PRKCE: variants seen among roughly 807,000 people sequenced by gnomAD.
PRKCE encodes protein kinase C epsilon.
A neutral mutation model predicts 85.4 loss-of-function variants in PRKCE; 16 were observed. The observed-to-expected ratio is 0.19, with a 90% CI of 0.13 to 0.28. The LOEUF (loss-of-function observed/expected upper bound fraction) is 0.28. Ranked by LOEUF, PRKCE falls within the 10% of genes least tolerant of loss-of-function variation. PRKCE has a pLI of 1.00. For missense variants in PRKCE, 573 were observed against 975.2 expected, an observed-to-expected ratio of 0.59 and a Z score of 5.49; for synonymous variants, 388 against 371.5, an observed-to-expected ratio of 1.04 and a Z score of -0.51.
rs1293998248 is a variant in PRKCE at position 45,697,141 on chromosome 2, C to G, written c.348+44693C>G. On this transcript the variant is annotated intron_variant, in intron 1 of 14. Transcript: ENST00000306156. This position sits in a 1 kb window ranked among gnomAD's most constrained non-coding sequence, Gnocchi z 4.2. ...GTTGTTCTAATACTTAGGAACATGC[C>G]TCCAAATAAGATGAAATGCTCTAGT... is the stretch of plus-strand genomic sequence containing the variant. Among the ~76,000 whole-genome samples the G allele has an allele frequency of 6.6e-6, 1 of 152,172 alleles. No homozygotes were observed. The highest frequency in any genetic ancestry group is 1.5e-5 in the Non-Finnish European group (1 of 68,036).
At chr2:46,123,273 A>C (rs1012393399) in intron 11 of PRKCE, among the ~76,000 whole-genome samples, 2 of 118,386 alleles carry the variant, frequency 1.7e-5, no homozygotes, top group Non-Finnish European at 3.3e-5. Flanking sequence ...GGAAACTCAG[A>C]GTAAAGAGAT....
At position 45,995,280 on chromosome 2, in the gene PRKCE, TTTTGTTTGTTTG is replaced by T. The variant is rs562638414; in HGVS notation, c.824-6112_824-6101del. 2.6e-5 allele frequency among the ~76,000 whole-genome samples: 4 copies of T among 152,252 alleles called. No homozygotes were observed. The South Asian group carries it at 8.3e-4, about 32-fold the overall frequency. ...AGTGTGTGGTTTGGTTTTGTTTGTT[TTTTGTTTGTTTG>T]TTTGTTTGTTTTAGTTTGGGGAGGT... On this transcript the variant is annotated intron_variant, in intron 6 of 14. Transcript: ENST00000306156.
At chr2:46,176,915 A>G (rs1177945507) in intron 14 of PRKCE, among the ~76,000 whole-genome samples, 1 of 152,246 alleles carries the variant, frequency 6.6e-6, no homozygotes, top group Non-Finnish European at 1.5e-5. Flanking sequence ...TGATAGAATT[A>G]AAATGGCATT....
chr2:46,020,837 G>C (rs1404303669), intron 10 of PRKCE, among the ~76,000 whole-genome samples: 3 of 152,204 alleles, frequency 2.0e-5, no homozygotes, highest in Non-Finnish European at 4.4e-5. Context: ...GTGATAAAGA[G>C]GAAGGAGAGA....
Position 45,673,076 on chromosome 2 carries a change from T to C in PRKCE, c.348+20628T>C, listed in dbSNP as rs79996267. ...ACAAACCAAAAACCACAGTGAGAGA[T>C]TTTTTTTTAAAGACTCCTCCACTCC... On this transcript the variant is annotated intron_variant, in intron 1 of 14. Transcript: ENST00000306156. Among the ~76,000 whole-genome samples the C allele has an allele frequency of 3.3e-5, 5 of 151,694 alleles. No individual in the cohort carries two copies. The South Asian group carries it at 1.0e-3, about 32-fold the overall frequency.
chr2:45,829,848 C>A (rs1013394959), intron 1 of PRKCE, among the ~76,000 whole-genome samples: 1 of 151,714 alleles, frequency 6.6e-6, no homozygotes, highest in Admixed American at 6.6e-5. Flanking sequence ...CCGAGGCGGG[C>A]GGATCACGAG....
chr2:46,108,765 C>T (rs1403487316), intron 11 of PRKCE, among the ~76,000 whole-genome samples: 1 of 152,192 alleles, frequency 6.6e-6, no homozygotes, highest in Non-Finnish European at 1.5e-5. Flanking sequence ...TCAAAAACCT[C>T]ATCACCAAAC....
chr2:46,041,292 C>G lies in PRKCE; in HGVS notation c.1437+30775C>G, dbSNP rs2105006047. ...AAGCAATATTAAAACAAAACAAAAT[C>G]CCTTTTCATGTAATGATTGGCTCAT... On this transcript the variant is annotated intron_variant, in intron 10 of 14. Transcript: ENST00000306156. The surrounding 1 kb of genome is among the most constrained non-coding windows in gnomAD (Gnocchi z 5.5). 6.6e-6 allele frequency among the ~76,000 whole-genome samples: 1 copy of G among 152,288 alleles called. No individual in the cohort carries two copies. The highest frequency in any genetic ancestry group is 1.9e-4 in the East Asian group (1 of 5,186).
At chr2:45,778,563 C>A (rs1197943929) in intron 1 of PRKCE, among the ~76,000 whole-genome samples, 1 of 152,166 alleles carries the variant, frequency 6.6e-6, no homozygotes, top group African/African-American at 2.4e-5. Context: ...ACACATCTCC[C>A]CCTCTACACA....
At chr2:45,755,109 C>G (rs977310885) in intron 1 of PRKCE, among the ~76,000 whole-genome samples, 5 of 152,168 alleles carry the variant, frequency 3.3e-5, no homozygotes, top group Non-Finnish European at 7.3e-5. Context: ...ACACAGCAGT[C>G]CTCTCTGCTG....
At chr2:45,862,333 G>A (rs1693233029) in intron 2 of PRKCE, among the ~76,000 whole-genome samples, 1 of 151,928 alleles carries the variant, frequency 6.6e-6, no homozygotes, top group South Asian at 2.1e-4. Flanking sequence ...ATCCGTCCAG[G>A]TCTCACCACC....
chr2:45,806,078 T>A (rs1198464292), intron 1 of PRKCE, among the ~76,000 whole-genome samples: 3 of 152,212 alleles, frequency 2.0e-5, no homozygotes, highest in Non-Finnish European at 1.5e-5. Context: ...AGGATTTTGA[T>A]GCAGAGTTTT....
intron 11 of PRKCE, among the ~76,000 whole-genome samples, chr2:46,136,473 G>T (rs1022114489): frequency 1.3e-5 from 2 of 152,156 alleles, no homozygotes; most frequent in Non-Finnish European, 2.9e-5. Context: ...CTGAGGTGCA[G>T]GGTAAAGAAA....
intron 6 of PRKCE, among the ~76,000 whole-genome samples, chr2:45,989,339 G>C (rs1365850213): frequency 6.6e-6 from 1 of 152,190 alleles, no homozygotes; most frequent in Non-Finnish European, 1.5e-5. Flanking sequence ...GCTGTTTTCA[G>C]GGGCCAAGGG....
intron 2 of PRKCE, among the ~76,000 whole-genome samples, chr2:45,864,084 G>T (rs1385599295): frequency 6.6e-6 from 1 of 152,144 alleles, no homozygotes; most frequent in Non-Finnish European, 1.5e-5. Context: ...TGAGGCTCTG[G>T]TTTAACTGGT....
intron 10 of PRKCE, among the ~76,000 whole-genome samples, chr2:46,056,466 A>G (rs1404854701): frequency 1.3e-5 from 2 of 152,104 alleles, no homozygotes; most frequent in Admixed American, 6.6e-5. Flanking sequence ...TTCCTGTCCT[A>G]TATGTTATTT....
chr2:45,998,468 C>G (rs967061032), intron 6 of PRKCE, among the ~76,000 whole-genome samples: 2 of 152,116 alleles, frequency 1.3e-5, no homozygotes, highest in African/African-American at 2.4e-5. Flanking sequence ...ATTAATTTAG[C>G]TTTTCTGCTT....
chr2:46,170,070 A>G (rs1678742188), intron 14 of PRKCE, among the ~76,000 whole-genome samples: 2 of 152,228 alleles, frequency 1.3e-5, no homozygotes, highest in South Asian at 4.1e-4. Context: ...ATTGTATTGC[A>G]ACAAAATTTA....
chr2:45,965,639 G>A (rs1489110200), intron 2 of PRKCE, among the ~76,000 whole-genome samples: 1 of 152,178 alleles, frequency 6.6e-6, no homozygotes, highest in Non-Finnish European at 1.5e-5. Context: ...ACAAAATTGA[G>A]GGAGTAGCCA....
Sources: allele counts gnomAD v4.1 joint callset (sites outside exome capture counted in the v4.1 genomes callset), GRCh38; gene constraint gnomAD v4.1.1; non-coding constraint Gnocchi (gnomAD v3.1); transcripts MANE v1.5; gene names NCBI Gene and HGNC (gene_info 2026-07-23, HGNC 2026-07-21).